Variants in CHL1 observed in about 807,000 individuals in gnomAD.
The protein encoded by CHL1 is cell adhesion molecule L1 like.
Under a neutral mutation model 141.9 loss-of-function variants are expected in CHL1, and 96 were observed. The ratio of observed to expected loss-of-function variants is 0.68; its 90% CI spans 0.57 to 0.80. The LOEUF is 0.80. CHL1 is among the 30% of genes least tolerant of loss of function. The pLI is 0.00. For synonymous variants in CHL1, 613 were observed against 502.2 expected (o/e 1.22, Z -2.95); for missense variants, 1,820 against 1,457.2 (o/e 1.25, Z -4.05).
At chr3:311,750 T>C (rs902808883) in intron 2 of CHL1, among the ~76,000 whole-genome samples, 6 of 152,238 alleles carry the variant, frequency 3.9e-5, no homozygotes, top group African/African-American at 1.2e-4. Context: ...TTTATACATA[T>C]GTAAAAGTTT....
chr3:208,154 A>G (rs992722175), intron 1 of CHL1, among the ~76,000 whole-genome samples: 4 of 152,188 alleles, frequency 2.6e-5, no homozygotes, highest in Non-Finnish European at 5.9e-5. Context: ...GGAAAGAAAC[A>G]TTGACTGCTG....
intron 2 of CHL1, among the ~76,000 whole-genome samples, chr3:293,843 A>T (rs530103446): frequency 6.8e-6 from 1 of 146,986 alleles, no homozygotes; most frequent in South Asian, 2.2e-4. Context: ...TTGCTCTGTC[A>T]CTCAGCCTCT....
chr3:364,876 C>A (rs1189597456), intron 14 of CHL1, among the ~76,000 whole-genome samples: 1 of 152,096 alleles, frequency 6.6e-6, no homozygotes, highest in African/African-American at 2.4e-5. Flanking sequence ...TAAAATGCCA[C>A]AATGAATATG....
intron 1 of CHL1, among the ~76,000 whole-genome samples, chr3:235,781 C>T (rs915831197): frequency 2.6e-5 from 4 of 152,148 alleles, no homozygotes; most frequent in African/African-American, 9.7e-5. Context: ...TAACTTACAA[C>T]ATTGACATTT....
intron 2 of CHL1, among the ~76,000 whole-genome samples, chr3:295,982 C>T (rs1698151795): frequency 6.6e-6 from 1 of 151,892 alleles, no homozygotes; most frequent in Non-Finnish European, 1.5e-5. Flanking sequence ...AATTTGGGAA[C>T]TATAGTACAA....
intron 1 of CHL1, among the ~76,000 whole-genome samples, chr3:236,740 T>C (rs1018505672): frequency 6.9e-6 from 1 of 145,484 alleles, no homozygotes; most frequent in Non-Finnish European, 1.5e-5. Flanking sequence ...TGTATTCATC[T>C]TTCCACACTA....
intron 2 of CHL1, among the ~76,000 whole-genome samples, chr3:310,387 G>T (rs1332303441): frequency 6.6e-6 from 1 of 152,134 alleles, no homozygotes; most frequent in African/African-American, 2.4e-5. Context: ...TTTCACCACT[G>T]CTGTTATCAG....
At chr3:300,340 G>A (rs905773209) in intron 2 of CHL1, among the ~76,000 whole-genome samples, 2 of 152,100 alleles carry the variant, frequency 1.3e-5, no homozygotes, top group African/African-American at 4.8e-5. Context: ...TGAGTTGGGG[G>A]TAGCTTATAG....
intron 2 of CHL1, among the ~76,000 whole-genome samples, chr3:261,494 T>A (rs183558947): frequency 2.7e-4 from 41 of 152,266 alleles, no homozygotes; most frequent in African/African-American, 8.9e-4. Flanking sequence ...GGTTAAGAAA[T>A]CATATTCTAT....
intron 2 of CHL1, among the ~76,000 whole-genome samples, chr3:303,945 A>G (rs1698990110): frequency 6.6e-6 from 1 of 152,076 alleles, no homozygotes; most frequent in Non-Finnish European, 1.5e-5. Flanking sequence ...GGGGTGTTAT[A>G]TTTTATCAAA....
intron 2 of CHL1, among the ~76,000 whole-genome samples, chr3:294,813 A>G (rs1342771147): frequency 6.6e-6 from 1 of 152,220 alleles, no homozygotes; most frequent in Non-Finnish European, 1.5e-5. Flanking sequence ...ATTTTGAGCT[A>G]TTCACCAGTG....
At chr3:319,472 G>C (rs539611123) in intron 2 of CHL1, among the ~76,000 whole-genome samples, 2 of 151,502 alleles carry the variant, frequency 1.3e-5, no homozygotes, top group South Asian at 2.1e-4. Flanking sequence ...AATAGTCTGT[G>C]GTTTACAATA....
intron 2 of CHL1, among the ~76,000 whole-genome samples, chr3:272,748 T>A (rs1013365401): frequency 6.6e-6 from 1 of 152,224 alleles, no homozygotes; most frequent in African/African-American, 2.4e-5. Context: ...ATCATAAAGA[T>A]GACTCCTTGG....
chr3:231,992 C>T (rs1701907585), intron 1 of CHL1, among the ~76,000 whole-genome samples: 1 of 152,114 alleles, frequency 6.6e-6, no homozygotes, highest in Admixed American at 6.6e-5. Context: ...TTTTGACTCT[C>T]CTCATGTTAA....
At chr3:202,218 T>C (rs1488537215) in intron 1 of CHL1, among the ~76,000 whole-genome samples, 1 of 152,200 alleles carries the variant, frequency 6.6e-6, no homozygotes, top group Non-Finnish European at 1.5e-5. Flanking sequence ...GGGCAATCTA[T>C]GCAGACAGAT....
chr3:372,817 TTTTC>T (rs1212193913), intron 15 of CHL1, among the ~76,000 whole-genome samples: 4 of 152,058 alleles, frequency 2.6e-5, no homozygotes, highest in East Asian at 1.9e-4. Flanking sequence ...TGTTGCTTTC[TTTTC>T]TTTCTTTTTT....
At chr3:390,251 A>G (rs1025571681) in intron 20 of CHL1, among the ~76,000 whole-genome samples, 4 of 152,236 alleles carry the variant, frequency 2.6e-5, no homozygotes, top group African/African-American at 9.6e-5. Context: ...ACTCCTGTAG[A>G]ACAGAGATAA....
intron 2 of CHL1, among the ~76,000 whole-genome samples, chr3:291,878 C>G (rs11712380): frequency 0.27 from 40,314 of 152,080 alleles, 5,607 homozygotes; most frequent in Middle Eastern, 0.42. Context: ...CCTGTCGAGT[C>G]TCACAGCAGA....
At chr3:297,219 T>C (rs1698271201) in intron 2 of CHL1, among the ~76,000 whole-genome samples, 1 of 151,910 alleles carries the variant, frequency 6.6e-6, no homozygotes, top group Non-Finnish European at 1.5e-5. Context: ...AAGTGAGACC[T>C]CGTCTTAAGA....
Sources: gnomAD v4.1 joint callset for allele counts (sites outside exome capture counted in the v4.1 genomes callset) on GRCh38, gnomAD v4.1.1 for gene constraint, MANE v1.5 for transcripts, NCBI Gene and HGNC (gene_info 2026-07-23, HGNC 2026-07-21) for gene names.